The following EPHA6 variants were observed in gnomAD, a reference collection of about 807,000 sequenced individuals.
EPHA6 encodes the protein EPH receptor A6, also known as ephrin type-A receptor 6.
Under a neutral mutation model 112.0 loss-of-function variants are expected in EPHA6, and 50 were observed. The observed-to-expected ratio is 0.45, with a 90% CI of 0.36 to 0.56. EPHA6 has a LOEUF of 0.56. EPHA6 is among the 20% of genes least tolerant of loss of function. The pLI is 0.00. For synonymous variants in EPHA6, 529 were observed against 490.7 expected (o/e 1.08, Z -1.03); for missense variants, 1,280 against 1,417.4 (o/e 0.90, Z 1.56).
intron 2 of EPHA6, among the ~76,000 whole-genome samples, chr3:96,967,338 T>C (rs757564727): frequency 2.6e-5 from 4 of 151,110 alleles, no homozygotes; most frequent in Non-Finnish European, 5.9e-5. Context: ...TATTATAGTT[T>C]ACTTTTTGTT....
At chr3:97,082,805 A>G (rs955056671) in intron 3 of EPHA6, among the ~76,000 whole-genome samples, 6 of 151,870 alleles carry the variant, frequency 4.0e-5, no homozygotes, top group Admixed American at 3.9e-4. Flanking sequence ...CTTTTATTTG[A>G]CAAAATTGCC....
At chr3:97,289,394 G>A (rs574988096) in intron 5 of EPHA6, among the ~76,000 whole-genome samples, 1 of 152,086 alleles carries the variant, frequency 6.6e-6, no homozygotes, top group East Asian at 1.9e-4. Flanking sequence ...TGGCTGAAGT[G>A]TACAACTTTA....
chr3:97,343,775 C>T (rs1377554717), intron 5 of EPHA6, among the ~76,000 whole-genome samples: 5 of 152,140 alleles, frequency 3.3e-5, no homozygotes, highest in African/African-American at 1.2e-4. Flanking sequence ...TCATCAGGGA[C>T]ACCACCTGGG....
chr3:97,153,902 G>A lies in EPHA6; in HGVS notation c.1115-72362G>A, dbSNP rs146251966. 1.1e-3 allele frequency among the ~76,000 whole-genome samples: 168 copies of A among 152,030 alleles called. 1 individual carries two copies. The highest frequency in any genetic ancestry group is 3.9e-3 in the African/African-American group (162 of 41,482). On this transcript the variant is annotated intron_variant, in intron 3 of 17. Coordinates refer to ENST00000389672, the MANE Select transcript of EPHA6 (RefSeq NM_001080448.3). ...AAACTTCGGCTGAGTGCAGTGGGTC[G>A]CTCCTATAATCCCAGCACTTTGGGA...
intron 14 of EPHA6, among the ~76,000 whole-genome samples, chr3:97,645,335 A>G (rs2107590429): frequency 6.8e-6 from 1 of 146,556 alleles, no homozygotes; most frequent in East Asian, 2.0e-4. Context: ...CTATGCAGCC[A>G]TAAAAAATGA....
At chr3:97,010,848 A>G (rs553465627) in intron 3 of EPHA6, among the ~76,000 whole-genome samples, 1 of 152,280 alleles carries the variant, frequency 6.6e-6, no homozygotes, top group South Asian at 2.1e-4. Context: ...TATGCTAAGG[A>G]ATATACATTC....
chr3:97,338,011 G>A (rs569313857), intron 5 of EPHA6, among the ~76,000 whole-genome samples: 1 of 152,154 alleles, frequency 6.6e-6, no homozygotes, highest in African/African-American at 2.4e-5. Context: ...ATGTGCATTT[G>A]GATATATGAG....
At chr3:97,369,616 A>T (rs1006410600) in intron 5 of EPHA6, among the ~76,000 whole-genome samples, 6 of 152,110 alleles carry the variant, frequency 3.9e-5, no homozygotes, top group Non-Finnish European at 8.8e-5. Flanking sequence ...AATTGCTCTC[A>T]TCTTGTTTTC....
chr3:97,148,883 G>A (rs2076103938), intron 3 of EPHA6, among the ~76,000 whole-genome samples: 1 of 152,014 alleles, frequency 6.6e-6, no homozygotes, highest in Admixed American at 6.6e-5. Flanking sequence ...GCAAGCATAC[G>A]TTTGTTTCTT....
At chr3:97,589,526 A>T (rs956329708) in intron 11 of EPHA6, among the ~76,000 whole-genome samples, 5 of 151,540 alleles carry the variant, frequency 3.3e-5, no homozygotes, top group Non-Finnish European at 7.4e-5. Context: ...CATTTTGAGA[A>T]ATAATTTTTT....
intron 11 of EPHA6, among the ~76,000 whole-genome samples, chr3:97,572,082 C>A (rs756554585): frequency 9.3e-5 from 14 of 150,672 alleles, no homozygotes; most frequent in Non-Finnish European, 1.6e-4. Context: ...TAGAAGTTTT[C>A]TTGGACCAAA....
intron 2 of EPHA6, among the ~76,000 whole-genome samples, chr3:96,946,232 G>A (rs1453487231): frequency 1.3e-5 from 2 of 151,790 alleles, no homozygotes; most frequent in Non-Finnish European, 2.9e-5. Context: ...ATGCAGGTTT[G>A]TTACGTAAGT....
intron 6 of EPHA6, among the ~76,000 whole-genome samples, chr3:97,410,227 A>G (rs929253969): frequency 1.3e-5 from 2 of 152,106 alleles, no homozygotes; most frequent in African/African-American, 4.8e-5. Context: ...GTTTTTCCAC[A>G]GATAACAACC....
chr3:97,700,442 G>C (rs906607958), intron 14 of EPHA6, among the ~76,000 whole-genome samples: 1 of 152,198 alleles, frequency 6.6e-6, no homozygotes, highest in African/African-American at 2.4e-5. Flanking sequence ...TGCTGGACCT[G>C]GCTGGGTAGA....
intron 5 of EPHA6, among the ~76,000 whole-genome samples, chr3:97,390,054 A>C (rs1196365889): frequency 6.6e-6 from 1 of 152,082 alleles, no homozygotes; most frequent in Non-Finnish European, 1.5e-5. Flanking sequence ...TCAGTGATTT[A>C]CTCTGCTATT....
intron 5 of EPHA6, among the ~76,000 whole-genome samples, chr3:97,374,133 A>G (rs1378085819): frequency 6.6e-6 from 1 of 152,108 alleles, no homozygotes; most frequent in East Asian, 1.9e-4. Context: ...TTAAGCAACT[A>G]AAGTATAAGT....
intron 3 of EPHA6, among the ~76,000 whole-genome samples, chr3:97,023,731 A>C (rs541039947): frequency 6.6e-6 from 1 of 152,166 alleles, no homozygotes; most frequent in Admixed American, 6.5e-5. Flanking sequence ...TAGATTTAAA[A>C]TCCTCCAATA....
At chr3:96,862,033 C>A (rs930558916) in intron 1 of EPHA6, among the ~76,000 whole-genome samples, 1 of 151,814 alleles carries the variant, frequency 6.6e-6, no homozygotes, top group Non-Finnish European at 1.5e-5. Context: ...TCTTACCTTT[C>A]AGAAATATAC....
chr3:97,654,695 C>T (rs1283618300), intron 14 of EPHA6, among the ~76,000 whole-genome samples: 3 of 151,726 alleles, frequency 2.0e-5, no homozygotes, highest in Non-Finnish European at 2.9e-5. Flanking sequence ...TGAGAACAAG[C>T]TTGGTGTATT....
Sources: allele counts gnomAD v4.1 joint callset (sites outside exome capture counted in the v4.1 genomes callset), GRCh38; gene constraint gnomAD v4.1.1; transcripts MANE v1.5; gene names NCBI Gene and HGNC (gene_info 2026-07-23, HGNC 2026-07-21).